Variants in SMOC2 observed in about 807,000 individuals in gnomAD.
The protein encoded by SMOC2 is SPARC-related modular calcium-binding protein 2.
Under a neutral mutation model 61.4 loss-of-function variants are expected in SMOC2, and 39 were observed. The observed-to-expected ratio is 0.64, with a 90% CI of 0.49 to 0.83. The LOEUF (loss-of-function observed/expected upper bound fraction) is 0.83, where lower values mean the gene tolerates loss of function less well. SMOC2 is among the 40% of genes least tolerant of loss of function. The probability of loss-of-function intolerance (pLI) is 0.00; values close to 1 mark genes in which losing one functional copy is unlikely to be tolerated. For synonymous variants in SMOC2, 247 were observed against 239.9 expected (o/e 1.03, Z -0.27); for missense variants, 556 against 592.9 (o/e 0.94, Z 0.65).
intron 7 of SMOC2, among the ~76,000 whole-genome samples, chr6:168,560,733 T>C (rs76019791): frequency 2.3e-3 from 11 of 4,858 alleles, no homozygotes; most frequent in African/African-American, 0.015. Context: ...ACTGCGTTCT[T>C]GGAGGAGGTG....
intron 1 of SMOC2, among the ~76,000 whole-genome samples, chr6:168,495,975 C>CTCCTCGCTCTTTTCT (rs1226205531): frequency 6.6e-6 from 1 of 152,248 alleles, no homozygotes; most frequent in Non-Finnish European, 1.5e-5. Context: ...TTCCTCTCGC[C>CTCCTCGCTCTTTTCT]TCCTCGCTCT....
Position 168,475,457 on chromosome 6 carries a change from C to T in SMOC2, c.84+34003C>T, listed in dbSNP as rs1782057008. ...TCCCCCACCCCACCAGGTCGTGATC[C>T]CTGAGGGAAGCATGGTCTCATGCGG... is the stretch of plus-strand genomic sequence containing the variant. On this transcript the variant is annotated intron_variant, in intron 1 of 12. Coordinates refer to ENST00000356284, the MANE Select transcript of SMOC2 (RefSeq NM_001166412.2). This position sits in a 1 kb window ranked among gnomAD's most constrained non-coding sequence, Gnocchi z 4.6. Among the ~76,000 whole-genome samples the T allele has an allele frequency of 6.6e-6, 1 of 152,102 alleles. No homozygotes were observed. Among genetic ancestry groups the T allele is most frequent in the Non-Finnish European group, 1.5e-5 (1 of 68,002 alleles).
rs527245854 is a variant in SMOC2, at chr6:168,524,950, AATCGG to A, written c.257-1391_257-1387del. ...GTGACGGGTGGAGCCCAGGGCTGGT[AATCGG>A]ATCGCATTTTGCCATAGCCAGCACT... On this transcript the variant is annotated intron_variant, in intron 2 of 12. Coordinates refer to ENST00000356284, the MANE Select transcript of SMOC2 (RefSeq NM_001166412.2). Among the ~76,000 whole-genome samples, 73 of 152,378 alleles carry A rather than the reference AATCGG, an allele frequency of 4.8e-4. 1 individual carries two copies. The South Asian group carries it at 0.015, about 31-fold the overall frequency.
At chr6:168,489,217 C>G (rs1273434055) in intron 1 of SMOC2, among the ~76,000 whole-genome samples, 1 of 145,586 alleles carries the variant, frequency 6.9e-6, no homozygotes, top group African/African-American at 2.6e-5. Flanking sequence ...TATATCAAAT[C>G]GTCTGGGTCC....
intron 1 of SMOC2, among the ~76,000 whole-genome samples, chr6:168,477,485 A>G (rs1373127144): frequency 1.3e-5 from 2 of 152,206 alleles, no homozygotes; most frequent in South Asian, 2.1e-4. Context: ...GGTATTTTTT[A>G]TAACCTCTAT....
At chr6:168,563,043 G>A (rs939237961) in intron 7 of SMOC2, among the ~76,000 whole-genome samples, 54 of 152,350 alleles carry the variant, frequency 3.5e-4, no homozygotes, top group African/African-American at 1.3e-3. Flanking sequence ...CCATAATTCC[G>A]TCTGCGTCGA....
chr6:168,553,169 T>G lies in SMOC2; in HGVS notation c.637+3966T>G, dbSNP rs570648739. The stretch of plus-strand genomic sequence containing the variant: ...ATTTAATAAATATATAAGTCAAACA[T>G]TCTCTTGGCTCATTTAGTAAGAAAA... On this transcript the variant is annotated intron_variant, in intron 7 of 12. Transcript: ENST00000356284. The surrounding 1 kb of genome is among the most constrained non-coding windows in gnomAD (Gnocchi z 4.2). 6.6e-6 allele frequency among the ~76,000 whole-genome samples: 1 copy of G among 152,282 alleles called. No homozygotes were observed. Among genetic ancestry groups the G allele is most frequent in the Non-Finnish European group, 1.5e-5 (1 of 68,020 alleles).
At chr6:168,615,978 G>T (rs1469043342) in intron 9 of SMOC2, among the ~76,000 whole-genome samples, 1 of 152,170 alleles carries the variant, frequency 6.6e-6, no homozygotes, top group African/African-American at 2.4e-5. Context: ...TTTCCAAAAG[G>T]TAGTTAGATC....
intron 10 of SMOC2, 83 bp downstream of exon 10, chr6:168,650,866 G>A: frequency 7.9e-7 from 1 of 1,264,186 alleles, no homozygotes; most frequent in East Asian, 2.5e-5. Context: ...ATTACATATT[G>A]GCAACCTTCT....
At chr6:168,568,400 C>T (rs982464460) in intron 7 of SMOC2, among the ~76,000 whole-genome samples, 4 of 152,218 alleles carry the variant, frequency 2.6e-5, no homozygotes, top group Non-Finnish European at 5.9e-5. Flanking sequence ...CACCACTTTT[C>T]CTGGAATGAA....
chr6:168,460,688 G>A (rs1781701486), intron 1 of SMOC2, among the ~76,000 whole-genome samples: 1 of 152,098 alleles, frequency 6.6e-6, no homozygotes, highest in African/African-American at 2.4e-5. Flanking sequence ...GACATTTAAA[G>A]GTGAATTAAT....
chr6:168,589,806 G>C (rs113222478), intron 7 of SMOC2, among the ~76,000 whole-genome samples: 3 of 55,226 alleles, frequency 5.4e-5, no homozygotes, highest in African/African-American at 7.3e-5. Context: ...CATTAGTTTA[G>C]GGAGCAGCCG....
intron 9 of SMOC2, among the ~76,000 whole-genome samples, chr6:168,640,506 A>T (rs1194737750): frequency 6.6e-6 from 1 of 152,204 alleles, no homozygotes; most frequent in Non-Finnish European, 1.5e-5. Flanking sequence ...TTGAGGAGAC[A>T]ATGCAACATC....
intron 9 of SMOC2, among the ~76,000 whole-genome samples, chr6:168,628,756 G>A (rs577933773): frequency 6.6e-5 from 10 of 152,370 alleles, no homozygotes; most frequent in Admixed American, 1.3e-4. Context: ...CCTGCTCTCC[G>A]TAGATGCCTG....
chr6:168,584,580 T>C (rs1785002742), intron 7 of SMOC2, among the ~76,000 whole-genome samples: 1 of 152,092 alleles, frequency 6.6e-6, no homozygotes, highest in Non-Finnish European at 1.5e-5. Context: ...TTCTGAGAAG[T>C]GGACTATGTA....
intron 9 of SMOC2, among the ~76,000 whole-genome samples, chr6:168,613,846 C>G (rs1001542634): frequency 8.0e-6 from 1 of 124,940 alleles, no homozygotes; most frequent in African/African-American, 3.2e-5. Flanking sequence ...CACCTACAGC[C>G]AGCACAGGGG....
In SMOC2 at chr6:168,596,927, T is replaced by G. The variant is rs114938756; in HGVS notation, c.638-1891T>G. Among the ~76,000 whole-genome samples, 606 of 152,110 alleles carry G rather than the reference T, an allele frequency of 4.0e-3. 4 individuals carry two copies. The highest frequency in any genetic ancestry group is 0.014 in the African/African-American group (567 of 41,352). On this transcript the variant is annotated intron_variant, in intron 7 of 12. Transcript: ENST00000356284. Reference sequence around the variant, plus strand: ...AGTCATTGACAAATTTCTTTCTGCTTCTTCTCTTGTTCATTAAACCGATTT... The same window carrying G: ...AGTCATTGACAAATTTCTTTCTGCTGCTTCTCTTGTTCATTAAACCGATTT...
chr6:168,641,067 G>A (rs1008596660), intron 9 of SMOC2, among the ~76,000 whole-genome samples: 1 of 152,054 alleles, frequency 6.6e-6, no homozygotes, highest in African/African-American at 2.4e-5. Context: ...TTTTTCAGGA[G>A]AAAATTCAGG....
At chr6:168,522,639 A>C (rs1046040291) in intron 2 of SMOC2, among the ~76,000 whole-genome samples, 1 of 152,190 alleles carries the variant, frequency 6.6e-6, no homozygotes, top group African/African-American at 2.4e-5. Flanking sequence ...GACATGCATG[A>C]ACACACGTAC....
Sources: gnomAD v4.1 joint callset for allele counts (sites outside exome capture counted in the v4.1 genomes callset) on GRCh38, gnomAD v4.1.1 for gene constraint, Gnocchi (gnomAD v3.1) non-coding constraint, MANE v1.5 for transcripts, NCBI Gene and HGNC (gene_info 2026-07-23, HGNC 2026-07-21) for gene names.